Variants in DOCK1 observed in about 807,000 individuals in gnomAD.
DOCK1 encodes dedicator of cytokinesis protein 1.
Under a neutral mutation model 262.7 loss-of-function variants are expected in DOCK1, and 138 were observed. The observed-to-expected ratio is 0.53, with a 90% CI of 0.46 to 0.61. The LOEUF is 0.61. Among genes scored for constraint, DOCK1 ranks in the 20% least tolerant of loss-of-function variants. DOCK1 has a pLI of 0.00. For missense variants in DOCK1, 1,908 were observed against 2,370.7 expected (o/e 0.80, Z 4.05); for synonymous variants, 866 against 867.4 (o/e 1.00, Z 0.03).
Position 127,227,897 on chromosome 10 carries a change from A to G in DOCK1, c.2848-20111A>G, listed in dbSNP as rs115658849. Among the ~76,000 whole-genome samples, 957 of 152,292 alleles carry G rather than the reference A, an allele frequency of 6.3e-3. 12 individuals are homozygous for G. Among genetic ancestry groups the G allele is most frequent in the African/African-American group, 0.021 (893 of 41,546 alleles). Reference sequence around the variant, plus strand: ...CTTAGAAGCCAAATCTTAGGGTGGCATTAGGACTAAGCTGAGAATAAATTC... The same window carrying G: ...CTTAGAAGCCAAATCTTAGGGTGGCGTTAGGACTAAGCTGAGAATAAATTC... On this transcript the variant is annotated intron_variant, in intron 27 of 51. Transcript: ENST00000623213.
intron 27 of DOCK1, among the ~76,000 whole-genome samples, chr10:127,206,344 A>T (rs865979193): frequency 1.1e-4 from 17 of 152,056 alleles, no homozygotes; most frequent in Admixed American, 1.1e-3. Flanking sequence ...GGGTTTTGCC[A>T]TGTTGGCCAG....
At chr10:127,171,759 A>G (rs1291151704) in intron 27 of DOCK1, among the ~76,000 whole-genome samples, 1 of 152,140 alleles carries the variant, frequency 6.6e-6, no homozygotes, top group African/African-American at 2.4e-5. Context: ...GCTGGAGTGC[A>G]GTGGTGTGAT....
intron 29 of DOCK1, among the ~76,000 whole-genome samples, chr10:127,287,718 G>A (rs907588892): frequency 1.3e-5 from 2 of 151,342 alleles, no homozygotes; most frequent in African/African-American, 2.4e-5. Flanking sequence ...GTGGTGTGGT[G>A]TTCTTCCCAT....
At chr10:127,168,270 G>C (rs1339095278) in intron 27 of DOCK1, among the ~76,000 whole-genome samples, 3 of 152,174 alleles carry the variant, frequency 2.0e-5, no homozygotes, top group Non-Finnish European at 4.4e-5. Flanking sequence ...AAAATGTTTT[G>C]GGTTATGATA....
At chr10:127,310,245 G>C (rs2062016234) in intron 29 of DOCK1, among the ~76,000 whole-genome samples, 1 of 151,976 alleles carries the variant, frequency 6.6e-6, no homozygotes, top group Non-Finnish European at 1.5e-5. Flanking sequence ...AGAGCCTGTT[G>C]TATGCCATAC....
At chr10:127,372,331 G>T (rs1161419938) in intron 33 of DOCK1, among the ~76,000 whole-genome samples, 1 of 152,158 alleles carries the variant, frequency 6.6e-6, no homozygotes, top group Admixed American at 6.5e-5. Flanking sequence ...TCCTGCAGGG[G>T]CATCCCCAAG....
intron 27 of DOCK1, among the ~76,000 whole-genome samples, chr10:127,202,393 C>T (rs139856593): frequency 9.9e-5 from 15 of 152,006 alleles, no homozygotes; most frequent in Admixed American, 7.9e-4. Context: ...CACCCACCAG[C>T]GCTGTGTGCT....
chr10:127,312,034 T>A (rs1233016279), intron 29 of DOCK1, among the ~76,000 whole-genome samples: 1 of 151,934 alleles, frequency 6.6e-6, no homozygotes, highest in East Asian at 1.9e-4. Context: ...CTGGCCAATT[T>A]TTGTATTTTT....
intron 29 of DOCK1, among the ~76,000 whole-genome samples, chr10:127,326,683 C>T (rs1564994536): frequency 6.6e-6 from 1 of 152,236 alleles, no homozygotes; most frequent in African/African-American, 2.4e-5. Context: ...CATGACTCTT[C>T]TAAATGGCTT....
At chr10:127,369,985 C>T (rs2065122653) in intron 33 of DOCK1, among the ~76,000 whole-genome samples, 1 of 152,200 alleles carries the variant, frequency 6.6e-6, no homozygotes, top group African/African-American at 2.4e-5. Context: ...ACACTTCTCT[C>T]TGCTGAACCT....
chr10:127,436,017 A>G (rs959091096), intron 48 of DOCK1, among the ~76,000 whole-genome samples: 12 of 152,288 alleles, frequency 7.9e-5, no homozygotes, highest in Admixed American at 2.6e-4. Flanking sequence ...TCTTACCTAC[A>G]TTATCTCAAG....
chr10:127,308,047 G>A (rs1241796345), intron 29 of DOCK1, among the ~76,000 whole-genome samples: 7 of 152,228 alleles, frequency 4.6e-5, no homozygotes, highest in South Asian at 2.1e-4. Flanking sequence ...TCTTTCTGCT[G>A]GATGACGTTG....
At chr10:127,432,495 T>C (rs867006008) in intron 47 of DOCK1, among the ~76,000 whole-genome samples, 6 of 151,958 alleles carry the variant, frequency 3.9e-5, no homozygotes, top group African/African-American at 1.2e-4. Context: ...TTCCACATCC[T>C]CAGGTTAAAG....
intron 32 of DOCK1, among the ~76,000 whole-genome samples, chr10:127,361,406 AC>A (rs995979661): frequency 6.6e-6 from 1 of 152,000 alleles, no homozygotes; most frequent in Non-Finnish European, 1.5e-5. Context: ...GAGCCACCAC[AC>A]CCGGCCTAAA....
chr10:127,091,204 C>T (rs767274750), intron 23 of DOCK1, among the ~76,000 whole-genome samples: 5 of 152,194 alleles, frequency 3.3e-5, no homozygotes, highest in East Asian at 3.9e-4. Context: ...AGGATGGTCT[C>T]GATCTCCTGA....
chr10:127,268,279 A>C (rs1485893440), intron 29 of DOCK1, among the ~76,000 whole-genome samples: 2 of 151,990 alleles, frequency 1.3e-5, no homozygotes, highest in Admixed American at 6.6e-5. Flanking sequence ...GCACTTTGGG[A>C]GGCCGAGGGA....
intron 29 of DOCK1, among the ~76,000 whole-genome samples, chr10:127,323,680 G>A (rs7079488): frequency 0.021 from 3,197 of 152,256 alleles, 124 homozygotes; most frequent in African/African-American, 0.073. Context: ...TGCCACCTAC[G>A]AGCTGAGTAA....
chr10:127,012,126 C>G lies in DOCK1; in HGVS notation c.1059-106C>G, dbSNP rs1283129829. 1 of 660,048 alleles carries G rather than the reference C, an allele frequency of 1.5e-6. No individual in the cohort carries two copies. Among genetic ancestry groups the G allele is most frequent in the Admixed American group, 2.4e-5 (1 of 41,744 alleles). The allele number at this position is 660,048 out of a possible 1,614,324, so 40.9% of individuals were successfully genotyped here. On this transcript the variant is annotated intron_variant, in intron 11 of 51. Coordinates refer to ENST00000623213, the MANE Select transcript of DOCK1 (RefSeq NM_001290223.2). The surrounding 1 kb of genome is among the most constrained non-coding windows in gnomAD (Gnocchi z 4.0). ...TCGTGCGTTGACTCATGATGCCTCCCTCTCGCACTCGGTGACGATGATCTC... is the reference window on the plus strand; with the variant it reads ...TCGTGCGTTGACTCATGATGCCTCCGTCTCGCACTCGGTGACGATGATCTC...
chr10:127,069,008 A>G (rs958073441), intron 23 of DOCK1, among the ~76,000 whole-genome samples: 11 of 152,210 alleles, frequency 7.2e-5, no homozygotes, highest in African/African-American at 2.2e-4. Context: ...CTCTCTGTCT[A>G]TGGCAAAGGC....
Sources: gnomAD v4.1 joint callset for allele counts (sites outside exome capture counted in the v4.1 genomes callset) on GRCh38, gnomAD v4.1.1 for gene constraint, Gnocchi (gnomAD v3.1) non-coding constraint, MANE v1.5 for transcripts, NCBI Gene and HGNC (gene_info 2026-07-23, HGNC 2026-07-21) for gene names.